The following PLEKHA8 variants were observed in gnomAD, a reference collection of about 807,000 sequenced individuals.
PLEKHA8 encodes pleckstrin homology domain-containing family A member 8.
Under a neutral mutation model 68.2 loss-of-function variants are expected in PLEKHA8, and 36 were observed. The observed-to-expected ratio is 0.53, with a 90% CI of 0.40 to 0.70. PLEKHA8 has a LOEUF of 0.70. Ranked by LOEUF, PLEKHA8 falls within the 30% of genes least tolerant of loss-of-function variation. PLEKHA8 has a pLI of 0.00. For synonymous variants in PLEKHA8, 211 were observed against 216.1 expected (o/e 0.98, Z 0.20); for missense variants, 505 against 615.4 (o/e 0.82, Z 1.90).
intron 3 of PLEKHA8, 142 bp from the exon 4 acceptor site, chr7:30,047,690 A>C (rs1562861243): frequency 1.2e-6 from 1 of 819,178 alleles, no homozygotes. Context: ...TCACATTTGC[A>C]ACCCATACTT....
chr7:30,115,532 A>G (rs1231514407), intron 13 of PLEKHA8, among the ~76,000 whole-genome samples: 2 of 148,786 alleles, frequency 1.3e-5, no homozygotes, highest in East Asian at 2.0e-4. Flanking sequence ...ATACATGTAG[A>G]CATATGTACA....
chr7:30,045,061 T>C, intron 1 of PLEKHA8, 24 bp from the exon 2 acceptor site: 2 of 1,528,732 alleles, frequency 1.3e-6, no homozygotes. Flanking sequence ...GTAATTGCAA[T>C]GATGCTCTTG....
At chr7:30,052,362 C>T (rs533038234) in intron 6 of PLEKHA8, among the ~76,000 whole-genome samples, 57 of 152,048 alleles carry the variant, frequency 3.7e-4, no homozygotes, top group Non-Finnish European at 7.9e-4. Context: ...CCAAGCTTGG[C>T]GAGGTGGCTC....
intron 13 of PLEKHA8, among the ~76,000 whole-genome samples, chr7:30,103,723 A>G (rs933154723): frequency 6.6e-6 from 1 of 152,236 alleles, no homozygotes. Context: ...TATGGAAAAG[A>G]TAAACCTCAA....
chr7:30,030,121 G>A (rs1260698838), intron 1 of PLEKHA8, among the ~76,000 whole-genome samples: 1 of 152,166 alleles, frequency 6.6e-6, no homozygotes, highest in Non-Finnish European at 1.5e-5. Context: ...AGGGGAGGAG[G>A]CTCGACCTGG....
intron 1 of PLEKHA8, among the ~76,000 whole-genome samples, chr7:30,037,180 A>G (rs1390953570): frequency 1.3e-5 from 2 of 152,222 alleles, no homozygotes; most frequent in Admixed American, 1.3e-4. Context: ...TAGCATACAT[A>G]ATATATGATA....
chr7:30,029,951 A>T (rs1474380983), intron 1 of PLEKHA8, among the ~76,000 whole-genome samples: 1 of 151,860 alleles, frequency 6.6e-6, no homozygotes, highest in Non-Finnish European at 1.5e-5. Context: ...TCACCTGTTT[A>T]TTTTTTTTCT....
At chr7:30,112,855 A>G (rs1796316234) in intron 13 of PLEKHA8, among the ~76,000 whole-genome samples, 1 of 151,958 alleles carries the variant, frequency 6.6e-6, no homozygotes, top group Non-Finnish European at 1.5e-5. Flanking sequence ...GAGCTGTGAT[A>G]TACCACTGCA....
chr7:30,115,844 A>G (rs532496688), intron 13 of PLEKHA8: 1 of 149,948 alleles, frequency 6.7e-6, no homozygotes, highest in South Asian at 2.1e-4. Context: ...ACATGTATAC[A>G]CGTATGCATA....
chr7:30,028,800 G>C lies in PLEKHA8; in HGVS notation c.38G>C (p.Ser13Thr). ...GVLYKWTNYL[S>T]GWQPRWFLLC... is the part of the protein sequence containing the mutation. ...CTGTACAAGTGGACCAACTATCTGA[G>C]CGGTGAGTGGCCGTGCCGGGCCGGG... Residue 13 changes from serine to threonine, a missense_variant and splice_region_variant, in exon 1 of 14, where the codon AGC becomes ACC. Transcript: ENST00000449726. The C allele has an allele frequency of 7.9e-7, 1 of 1,270,156 alleles. No homozygotes were observed. Among genetic ancestry groups the C allele is most frequent in the Non-Finnish European group, 1.0e-6 (1 of 1,002,238 alleles). The allele number at this position is 1,270,156 out of a possible 1,614,324, so 78.7% of individuals were successfully genotyped here.
At chr7:30,091,254 T>G (rs1052657878), downstream of PLEKHA8, among the ~76,000 whole-genome samples, 1 of 151,952 alleles carries the variant, frequency 6.6e-6, no homozygotes, top group South Asian at 2.1e-4. Flanking sequence ...TGATTTTGTT[T>G]TACTCTTTTT....
At position 30,062,053 on chromosome 7, in the gene PLEKHA8, G is replaced by A. The variant is rs757137604; in HGVS notation, c.1229+26G>A. ...GTGAGGCAGCTGGGGTGGGACAGCA[G>A]TTAAAATCTAGCTCAAAAAAAATTA... On this transcript the variant is annotated intron_variant, in intron 11 of 13. Coordinates refer to ENST00000449726, the MANE Select transcript of PLEKHA8 (RefSeq NM_001197026.2). 3.2e-6 allele frequency: 5 copies of A among 1,585,574 alleles called. No individual in the cohort carries two copies. In the South Asian group the frequency reaches 4.6e-5, roughly 15 times the overall value.
chr7:30,035,857 A>G (rs1366924553), intron 1 of PLEKHA8, among the ~76,000 whole-genome samples: 1 of 151,918 alleles, frequency 6.6e-6, no homozygotes, highest in African/African-American at 2.4e-5. Flanking sequence ...CATGTTGGCT[A>G]GGCTGGTCTT....
intron 8 of PLEKHA8, 152 bp downstream of exon 8, chr7:30,055,017 C>A: frequency 1.2e-6 from 1 of 846,026 alleles, no homozygotes; most frequent in South Asian, 1.8e-5. Context: ...TCTTTCTTAC[C>A]AATGAATAAG....
At chr7:30,115,548 ACG>A in intron 13 of PLEKHA8, among the ~76,000 whole-genome samples, 1 of 50,590 alleles carries the variant, frequency 2.0e-5, no homozygotes, top group Non-Finnish European at 6.1e-5. Context: ...GTACACATGC[ACG>A]TATACATGTA....
chr7:30,118,726 C>T (rs1459906365), intron 13 of PLEKHA8, among the ~76,000 whole-genome samples: 4 of 152,126 alleles, frequency 2.6e-5, no homozygotes, highest in East Asian at 3.8e-4. Flanking sequence ...TACAGGCGCC[C>T]GCCGCCACGC....
At chr7:30,063,485 G>C (rs189698910) in intron 12 of PLEKHA8, among the ~76,000 whole-genome samples, 1 of 152,108 alleles carries the variant, frequency 6.6e-6, no homozygotes, top group East Asian at 1.9e-4. Flanking sequence ...GCCATGAGGC[G>C]TGTGTGGAGA....
At position 30,064,525 on chromosome 7, in the gene PLEKHA8, C is replaced by T. The variant is rs1049006868; in HGVS notation, c.1300+1783C>T. Among the ~76,000 whole-genome samples the T allele has an allele frequency of 5.3e-5, 8 of 151,974 alleles. 1 individual carries two copies. The highest frequency in any genetic ancestry group is 7.3e-5 in the African/African-American group (3 of 41,360). On this transcript the variant is annotated intron_variant, in intron 12 of 13. Coordinates refer to ENST00000449726, the MANE Select transcript of PLEKHA8 (RefSeq NM_001197026.2). ...GGCACTGTACTCCAGTCTGGGCAATCGAGTGAGACCAGACCCTGTCTCAAA... is the reference window on the plus strand; with the variant it reads ...GGCACTGTACTCCAGTCTGGGCAATTGAGTGAGACCAGACCCTGTCTCAAA...
intron 12 of PLEKHA8, among the ~76,000 whole-genome samples, chr7:30,064,829 C>T (rs1035675368): frequency 6.6e-6 from 1 of 152,166 alleles, no homozygotes; most frequent in African/African-American, 2.4e-5. Flanking sequence ...GGGTTTAGCA[C>T]TGTGTGCCCA....
Sources: gnomAD v4.1 joint callset for allele counts (sites outside exome capture counted in the v4.1 genomes callset) on GRCh38, gnomAD v4.1.1 for gene constraint, MANE v1.5 for transcripts, NCBI Gene and HGNC (gene_info 2026-07-23, HGNC 2026-07-21) for gene names.